Variants in GBGT1 observed in about 807,000 individuals in gnomAD.
GBGT1 encodes globoside alpha-1,3-N-acetylgalactosaminyltransferase 1.
Under a neutral mutation model 20.9 loss-of-function variants are expected in GBGT1, and 18 were observed. That is an observed-to-expected ratio of 0.86 (90% confidence interval 0.60 to 1.28). The LOEUF (loss-of-function observed/expected upper bound fraction) is 1.28, where lower values mean the gene tolerates loss of function less well. GBGT1 is among the 50% of genes most tolerant of loss of function. The pLI is 0.00. For missense variants in GBGT1, 432 were observed against 455.7 expected (o/e 0.95, Z 0.47); for synonymous variants, 168 against 180.8 (o/e 0.93, Z 0.57).
Position 133,155,316 on chromosome 9 carries a change from G to A in GBGT1, c.225-4C>T, listed in dbSNP as rs778583153. The A allele has an allele frequency of 4.3e-6, 7 of 1,613,816 alleles. No homozygotes were observed. The South Asian group carries it at 7.7e-5, about 18-fold the overall frequency. On this transcript the variant is annotated splice_region_variant and splice_polypyrimidine_tract_variant and intron_variant, in intron 5 of 6. Coordinates refer to ENST00000372040, the MANE Select transcript of GBGT1 (RefSeq NM_021996.6). Reference sequence around the variant, plus strand: ...GAGTGTCAGCAGCTGTGTGGGCCTGGCAGCAGGGGGGCCGTGGGCACTGAG... The same window carrying A: ...GAGTGTCAGCAGCTGTGTGGGCCTGACAGCAGGGGGGCCGTGGGCACTGAG...
Position 133,155,323 on chromosome 9 carries a change from G to C in GBGT1, c.225-11C>G, listed in dbSNP as rs747781552. The C allele has an allele frequency of 2.5e-6, 4 of 1,613,528 alleles. No homozygotes were observed. The African/African-American group carries it at 5.3e-5, about 22-fold the overall frequency. On this transcript the variant is annotated splice_polypyrimidine_tract_variant and intron_variant, in intron 5 of 6. Transcript: ENST00000372040. ...AGCAGCTGTGTGGGCCTGGCAGCAG[G>C]GGGGCCGTGGGCACTGAGACCCTCC...
rs759878552 is a variant in GBGT1, at chr9:133,162,363, C to A, written c.50G>T (p.Gly17Val). Residue 17 changes from glycine (G) to valine (V), a missense_variant, in exon 2 of 7, where the codon GGC (glycine) becomes GTC (valine). Physicochemically the swap from Gly to Val is moderately radical, Grantham distance 109. Coordinates refer to ENST00000372040, the MANE Select transcript of GBGT1 (RefSeq NM_021996.6). ...TCACCACAGGACACTGAGGCTTGTG[C>A]CCGCCAACAGGCAGAACCCCAGACC... ...ALGLGFCLLA[G>V]TSLSVLWVYL... 3.1e-6 allele frequency: 5 copies of A among 1,610,224 alleles called. 1 individual carries two copies. The highest frequency in any genetic ancestry group is 1.6e-4 in the Middle Eastern group (1 of 6,078).
chr9:133,162,407 A>G lies in GBGT1; in HGVS notation c.6T>C (p.His2=). 3.1e-6 allele frequency: 5 copies of G among 1,605,832 alleles called. No individual in the cohort carries two copies. Among genetic ancestry groups the G allele is most frequent in the Non-Finnish European group, 3.4e-6 (4 of 1,177,558 alleles). Residue 2 remains histidine (H), a synonymous_variant, in exon 2 of 7, where the codon CAT becomes CAC. Coordinates refer to ENST00000372040, the MANE Select transcript of GBGT1 (RefSeq NM_021996.6). M[H]RRRLALGLGF... Reference sequence around the variant, plus strand: ...CCAGACCCAGGGCCAGTCTCCGGCGATGCATTGCTGGGGGCTGCACCTGAG... The same window carrying G: ...CCAGACCCAGGGCCAGTCTCCGGCGGTGCATTGCTGGGGGCTGCACCTGAG...
chr9:133,156,404 G>A (rs1832871178), intron 3 of GBGT1, among the ~76,000 whole-genome samples: 1 of 152,216 alleles, frequency 6.6e-6, no homozygotes, highest in African/African-American at 2.4e-5. Context: ...GCTCACGCCT[G>A]TAATCCCAGC....
Position 133,153,828 on chromosome 9 carries a change from A to G in GBGT1, c.793T>C (p.Phe265Leu), listed in dbSNP as rs763164789. ...EGDFYYGGAV[F>L]GGQVARVYEF... is the part of the protein sequence containing the mutation. The stretch of plus-strand genomic sequence containing the variant: ...TATACCCTGGCCACCTGCCCCCCGA[A>G]GACTGCCCCACCATAATAGAAGTCC... Residue 265 changes from phenylalanine to leucine, a missense_variant, in exon 7 of 7, where the codon TTC becomes CTC. Physicochemically the swap from Phe to Leu is conservative, Grantham distance 22 (BLOSUM62 0). Coordinates refer to ENST00000372040, the MANE Select transcript of GBGT1 (RefSeq NM_021996.6). The G allele has an allele frequency of 6.3e-7, 1 of 1,590,222 alleles. No individual in the cohort carries two copies. Among genetic ancestry groups the G allele is most frequent in the Non-Finnish European group, 8.6e-7 (1 of 1,165,006 alleles).
intron 3 of GBGT1, 92 bp from the exon 4 acceptor site, chr9:133,156,157 G>A: frequency 7.0e-7 from 1 of 1,438,548 alleles, no homozygotes; most frequent in South Asian, 1.2e-5. Context: ...GCCCCTGCGG[G>A]TGGGCACCCA....
intron 5 of GBGT1, 115 bp from the exon 6 acceptor site, chr9:133,155,427 C>G: frequency 8.3e-7 from 1 of 1,198,544 alleles, no homozygotes; most frequent in Non-Finnish European, 1.2e-6. Flanking sequence ...CATCTCTGGG[C>G]CTCCCTTTCC....
At position 133,159,247 on chromosome 9, in the gene GBGT1, C is replaced by T. The variant is rs1003786012; in HGVS notation, c.137+2220G>A. ...AAGTGCTGGGATTACAGGCATAAGC[C>T]GCTACACCCAGCCAAGTTGCTACTC... is the stretch of plus-strand genomic sequence containing the variant. On this transcript the variant is annotated intron_variant, in intron 3 of 6. Transcript: ENST00000372040. Among the ~76,000 whole-genome samples, 4 of 152,202 alleles carry T rather than the reference C, an allele frequency of 2.6e-5. No homozygotes were observed. In the South Asian group the frequency reaches 8.3e-4, roughly 32 times the overall value.
rs542047890 is a variant in GBGT1 at position 133,157,707 on chromosome 9, G to T, written c.138-1642C>A. Reference sequence around the variant, plus strand: ...CAGGGCTGTAGGGTCAGACCCCTGGGCTCACCTCTGGCTCTGCCACTAACT... The same window carrying T: ...CAGGGCTGTAGGGTCAGACCCCTGGTCTCACCTCTGGCTCTGCCACTAACT... On this transcript the variant is annotated intron_variant, in intron 3 of 6. Coordinates refer to ENST00000372040, the MANE Select transcript of GBGT1 (RefSeq NM_021996.6). Among the ~76,000 whole-genome samples, 40 of 152,364 alleles carry T rather than the reference G, an allele frequency of 2.6e-4. 1 individual carries two copies. In the South Asian group the frequency reaches 8.1e-3, roughly 31 times the overall value.
At chr9:133,155,071 C>T (rs651453) in intron 6 of GBGT1, 107 bp downstream of exon 6, 949,769 of 1,014,152 alleles carry the variant, frequency 0.94, 446,151 homozygotes, top group East Asian at 1. Flanking sequence ...CCGAGCCTCC[C>T]GGGTGCCCAG....
At chr9:133,159,367 C>T (rs1832966407) in intron 3 of GBGT1, among the ~76,000 whole-genome samples, 1 of 152,204 alleles carries the variant, frequency 6.6e-6, no homozygotes, top group South Asian at 2.1e-4. Flanking sequence ...CTCAGAAAGC[C>T]CTGGGATTCC....
rs775440497 is a variant in GBGT1 at position 133,154,778 on chromosome 9, AG to A, written c.359+399del. 1.1e-5 allele frequency: 2 copies of A among 189,364 alleles called. No homozygotes were observed. The highest frequency in any genetic ancestry group is 2.2e-5 in the Non-Finnish European group (2 of 91,772). The allele number at this position is 189,364 out of a possible 1,614,324, so 11.7% of individuals were successfully genotyped here. On this transcript the variant is annotated intron_variant, in intron 6 of 6. Coordinates refer to ENST00000372040, the MANE Select transcript of GBGT1 (RefSeq NM_021996.6). This position sits in a 1 kb window ranked among gnomAD's most constrained non-coding sequence, Gnocchi z 4.2. ...ACCATTCATCATCTGGTCATGCTTTAGGGCCCCAGGAAGTTCCAGGAAGGAG... is the reference window on the plus strand; with the variant it reads ...ACCATTCATCATCTGGTCATGCTTTAGGCCCCAGGAAGTTCCAGGAAGGAG...
In GBGT1 at chr9:133,154,852, G is replaced by A. The variant is rs559624495; in HGVS notation, c.359+326C>T. ...TGCCAAGCGGCAGCTCCTAAAGGAAGGCCAGGTGGGGTCATGGGAGAGACA... is the reference window on the plus strand; with the variant it reads ...TGCCAAGCGGCAGCTCCTAAAGGAAAGCCAGGTGGGGTCATGGGAGAGACA... On this transcript the variant is annotated intron_variant, in intron 6 of 6. Transcript: ENST00000372040. The surrounding 1 kb of genome is among the most constrained non-coding windows in gnomAD (Gnocchi z 4.2). 2.7e-5 allele frequency: 7 copies of A among 262,760 alleles called. No homozygotes were observed. Among genetic ancestry groups the A allele is most frequent in the Non-Finnish European group, 5.0e-5 (7 of 138,684 alleles). 16.3% of individuals were successfully genotyped at this position (262,760 alleles called of 1,614,324 possible). A position where few individuals can be genotyped will look rare whatever the true frequency, so the allele number is the denominator to read the frequency against.
chr9:133,156,007 C>T lies in GBGT1; in HGVS notation c.188+8G>A, dbSNP rs1832859780. 10 of 1,614,054 alleles carry T rather than the reference C, an allele frequency of 6.2e-6. No homozygotes were observed. The highest frequency in any genetic ancestry group is 8.5e-6 in the Non-Finnish European group (10 of 1,179,886). The stretch of plus-strand genomic sequence containing the variant: ...CGGCCACAAAAGAGGAAATGCCAGT[C>T]TCCTTACCATACCACGGGCTGGAGT... On this transcript the variant is annotated splice_region_variant and intron_variant, in intron 4 of 6. Coordinates refer to ENST00000372040, the MANE Select transcript of GBGT1 (RefSeq NM_021996.6).
At chr9:133,163,562 T>TCTCGCCCCCGC (rs1481975549) in intron 1 of GBGT1, 192 bp downstream of exon 1, 1 of 152,874 alleles carries the variant, frequency 6.5e-6, no homozygotes, top group Non-Finnish European at 1.5e-5. Flanking sequence ...CCAAGCCCCG[T>TCTCGCCCCCGC]CTCGCCCCCG....
At chr9:133,159,285 T>C (rs1832964587) in intron 3 of GBGT1, among the ~76,000 whole-genome samples, 1 of 152,172 alleles carries the variant, frequency 6.6e-6, no homozygotes, top group Admixed American at 6.5e-5. Context: ...GAATCAACAA[T>C]TTTTTAAAGT....
intron 3 of GBGT1, 83 bp from the exon 4 acceptor site, chr9:133,156,148 C>T: frequency 6.6e-7 from 1 of 1,512,208 alleles, no homozygotes. Flanking sequence ...GAGTCAGAGG[C>T]CCCTGCGGGT....
intron 1 of GBGT1, chr9:133,163,487 G>C (rs1833119235): frequency 6.6e-6 from 1 of 152,350 alleles, no homozygotes; most frequent in African/African-American, 2.4e-5. Flanking sequence ...GCTGCCACTC[G>C]GGAGTGTCCG....
chr9:133,160,423 A>C (rs1399931469), intron 3 of GBGT1, among the ~76,000 whole-genome samples: 1 of 152,052 alleles, frequency 6.6e-6, no homozygotes, highest in African/African-American at 2.4e-5. Context: ...GGTGTACTAC[A>C]CGGTGGCTTT....
Sources: gnomAD v4.1 joint callset for allele counts (sites outside exome capture counted in the v4.1 genomes callset) on GRCh38, gnomAD v4.1.1 for gene constraint, Gnocchi (gnomAD v3.1) non-coding constraint, MANE v1.5 for transcripts, NCBI Gene and HGNC (gene_info 2026-07-23, HGNC 2026-07-21) for gene names.